CDC14C: variants seen among roughly 807,000 people sequenced by gnomAD.
CDC14C encodes dual specificity protein phosphatase CDC14C.
Under a neutral mutation model 26.9 loss-of-function variants are expected in CDC14C, and 19 were observed. That is an observed-to-expected ratio of 0.71 (90% confidence interval 0.49 to 1.04). The LOEUF (loss-of-function observed/expected upper bound fraction) is 1.04, where lower values mean the gene tolerates loss of function less well. Ranked by LOEUF, CDC14C falls within the 50% of genes least tolerant of loss-of-function variation. CDC14C has a pLI of 0.00. For synonymous variants in CDC14C, 185 were observed against 180.1 expected, an observed-to-expected ratio of 1.03 and a Z score of -0.22; for missense variants, 423 against 520.0, an observed-to-expected ratio of 0.81 and a Z score of 1.81.
At position 48,924,716 on chromosome 7, in the gene CDC14C, A is replaced by C; in HGVS notation, c.44A>C (p.Gln15Pro). The C allele has an allele frequency of 7.6e-7, 1 of 1,317,952 alleles. No individual in the cohort carries two copies. The highest frequency in any genetic ancestry group is 1.1e-6 in the Non-Finnish European group (1 of 910,162). The allele number at this position is 1,317,952 out of a possible 1,614,324, so 81.6% of individuals were successfully genotyped here. ...CAGGACCCGCGCCGCCGGGACCCCC[A>C]GGACGACGTGTACGTGGACATCACC... The part of the protein sequence containing the change: ...TLQDPRRRDP[Q>P]DDVYVDITDR... Residue 15 changes from glutamine (Q) to proline (P), a missense_variant, in exon 1 of 1, where the codon CAG becomes CCG. Physicochemically the swap from Gln to Pro is moderately conservative, Grantham distance 76. Transcript: ENST00000650262.
chr7:48,924,769 A>G lies in CDC14C; in HGVS notation c.97A>G (p.Ser33Gly). The change falls in exon 1 of 1, where the codon AGC (serine) becomes GGC (glycine). Residue 33 changes from serine to glycine, a missense_variant. Around this residue, in one of 3 missense-constraint regions of CDC14C, gnomAD observed 310 missense variants for 356.8 expected, o/e 0.87. Coordinates refer to ENST00000650262, the MANE Select transcript of CDC14C (RefSeq NM_152627.3). The part of the protein sequence containing the change: ...TDRLRFAILY[S>G]RPKSASNVHY... ...TCGCCTTCGTTTTGCCATTCTCTAC[A>G]GCAGACCAAAGAGTGCATCAAATGT... 9.9e-6 allele frequency: 14 copies of G among 1,421,312 alleles called. No homozygotes were observed. The highest frequency in any genetic ancestry group is 1.4e-5 in the Non-Finnish European group (14 of 1,003,948). The allele number at this position is 1,421,312 out of a possible 1,614,324, so 88.0% of individuals were successfully genotyped here. A position where few individuals can be genotyped will look rare whatever the true frequency, so the allele number is the denominator to read the frequency against.
chr7:48,925,814 A>C lies in CDC14C; in HGVS notation c.1142A>C (p.Gln381Pro), dbSNP rs571808684. ...SINGVENQDQ[Q>P]EPKPYSDDDE... The stretch of plus-strand genomic sequence containing the variant: ...AATGGGGTCGAGAATCAAGACCAGC[A>C]AGAACCCAAACCTTACAGTGATGAC... Residue 381 changes from glutamine (Q) to proline (P), a missense_variant, in exon 1 of 1, where the codon CAA becomes CCA. This residue lies in a region of CDC14C where 91 missense variants were observed against 94.2 expected (regional missense o/e 0.97). Coordinates refer to ENST00000650262, the MANE Select transcript of CDC14C (RefSeq NM_152627.3). The C allele has an allele frequency of 1.6e-4, 132 of 836,958 alleles. No individual in the cohort carries two copies. The African/African-American group carries it at 1.7e-3, about 11-fold the overall frequency. 51.8% of individuals were successfully genotyped at this position (836,958 alleles called of 1,614,324 possible). A position where few individuals can be genotyped will look rare whatever the true frequency, so the allele number is the denominator to read the frequency against.
Position 48,926,921 on chromosome 7 carries a change from G to T in CDC14C, c.*905G>T, listed in dbSNP as rs1265373684. On this transcript the variant is annotated 3_prime_UTR_variant, in exon 1 of 1. Transcript: ENST00000650262. ...CCCTCTGGTACTCAGGGAGCTGGCT[G>T]GTCTGTGGTGCATGTGTGTCCTTGT... 2.0e-5 allele frequency among the ~76,000 whole-genome samples: 3 copies of T among 152,172 alleles called. No individual in the cohort carries two copies. Among genetic ancestry groups the T allele is most frequent in the Non-Finnish European group, 2.9e-5 (2 of 68,036 alleles).
Position 48,925,698 on chromosome 7 carries a change from C to T in CDC14C, c.1026C>T (p.Asp342=), listed in dbSNP as rs779247128. ...AAACAAGCCTCTGGCTGGAAGGGGA[C>T]TATTTTCGTCAGAGGTTAAAGGGGC... ...MKQTSLWLEG[D]YFRQRLKGQE... The change falls in exon 1 of 1, where the codon GAC becomes GAT. Residue 342 remains aspartate, a synonymous_variant. Coordinates refer to ENST00000650262, the MANE Select transcript of CDC14C (RefSeq NM_152627.3). The T allele has an allele frequency of 7.9e-7, 1 of 1,271,350 alleles. No individual in the cohort carries two copies. Among genetic ancestry groups the T allele is most frequent in the Non-Finnish European group, 1.2e-6 (1 of 867,064 alleles). 78.8% of individuals were successfully genotyped at this position (1,271,350 alleles called of 1,614,324 possible).
In CDC14C at chr7:48,925,940, T is replaced by G. The variant is rs1199584950; in HGVS notation, c.1268T>G (p.Val423Gly). The change falls in exon 1 of 1, where the codon GTG (valine) becomes GGG (glycine). Residue 423 changes from valine to glycine, a missense_variant. Physicochemically the swap from Val to Gly is moderately radical, Grantham distance 109. This residue lies in a region of CDC14C where 91 missense variants were observed against 94.2 expected (regional missense o/e 0.97). Transcript: ENST00000650262. ...NDILLPSPLA[V>G]LTFTLCSVVI... Reference sequence around the variant, plus strand: ...ATTCTTCTCCCATCTCCCCTGGCTGTGCTGACCTTTACACTGTGTAGTGTT... The same window carrying G: ...ATTCTTCTCCCATCTCCCCTGGCTGGGCTGACCTTTACACTGTGTAGTGTT... 1 of 760,814 alleles carries G rather than the reference T, an allele frequency of 1.3e-6. No individual in the cohort carries two copies. The highest frequency in any genetic ancestry group is 1.7e-5 in the African/African-American group (1 of 58,568). 47.1% of individuals were successfully genotyped at this position (760,814 alleles called of 1,614,324 possible).
At position 48,924,636 on chromosome 7, in the gene CDC14C, G is replaced by A. The variant is rs535567334; in HGVS notation, c.-37G>A. 6.7e-6 allele frequency: 7 copies of A among 1,043,642 alleles called. No homozygotes were observed. The highest frequency in any genetic ancestry group is 4.7e-5 in the African/African-American group (3 of 63,274). 64.6% of individuals were successfully genotyped at this position (1,043,642 alleles called of 1,614,324 possible). A position where few individuals can be genotyped will look rare whatever the true frequency, so the allele number is the denominator to read the frequency against. Reference sequence around the variant, plus strand: ...GCTGGGCCGCCGCGCCCCACTGCTCGCCGCGCTGCTCTTTGACCTCGCAGG... The same window carrying A: ...GCTGGGCCGCCGCGCCCCACTGCTCACCGCGCTGCTCTTTGACCTCGCAGG... On this transcript the variant is annotated 5_prime_UTR_variant, in exon 1 of 1. Transcript: ENST00000650262.
rs1277913722 is a variant in CDC14C at position 48,925,360 on chromosome 7, A to G, written c.688A>G (p.Ile230Val). 3 of 1,609,206 alleles carry G rather than the reference A, an allele frequency of 1.9e-6. No individual in the cohort carries two copies. The highest frequency in any genetic ancestry group is 2.6e-6 in the Non-Finnish European group (3 of 1,175,606). ...TTTTAAGAATCACAATGTTACTACC[A>G]TTATTCGTCTGAATAAAAGGATGTA... ...QYFKNHNVTTIIRLNKRMYDA... is the reference protein window; with the variant it reads ...QYFKNHNVTTVIRLNKRMYDA... Residue 230 changes from isoleucine to valine, a missense_variant, in exon 1 of 1, where the codon ATT (isoleucine) becomes GTT (valine). Ile to Val is a conservative substitution (Grantham distance 29). Transcript: ENST00000650262.
rs761288176 is a variant in CDC14C at position 48,925,657 on chromosome 7, T to A, written c.985T>A (p.Phe329Ile). ...PGLVIGPQQQ[F>I]LVMKQTSLWL... is the part of the protein sequence containing the mutation. ...CTTGGTGATCGGGCCTCAGCAGCAG[T>A]TTTTGGTGATGAAGCAAACAAGCCT... The change falls in exon 1 of 1, where the codon TTT becomes ATT. Residue 329 changes from phenylalanine to isoleucine, a missense_variant. By Grantham distance (21) the Phe-to-Ile change is conservative (BLOSUM62 0). Transcript: ENST00000650262. 6.5e-7 allele frequency: 1 copy of A among 1,545,418 alleles called. No individual in the cohort carries two copies. Among genetic ancestry groups the A allele is most frequent in the African/African-American group, 1.4e-5 (1 of 73,726 alleles).
Position 48,925,832 on chromosome 7 carries a change from G to T in CDC14C, c.1160G>T (p.Ser387Ile), listed in dbSNP as rs1200416083. 7 of 796,536 alleles carry T rather than the reference G, an allele frequency of 8.8e-6. No individual in the cohort carries two copies. The African/African-American group carries it at 1.0e-4, about 11-fold the overall frequency. 49.3% of individuals were successfully genotyped at this position (796,536 alleles called of 1,614,324 possible). The change falls in exon 1 of 1, where the codon AGT becomes ATT. Residue 387 changes from serine (S) to isoleucine (I), a missense_variant. Ser to Ile is a moderately radical substitution (Grantham distance 142). Transcript: ENST00000650262. ...GACCAGCAAGAACCCAAACCTTACAGTGATGACGACGAAATCAATGGAGTG... is the reference window on the plus strand; with the variant it reads ...GACCAGCAAGAACCCAAACCTTACATTGATGACGACGAAATCAATGGAGTG... ...NQDQQEPKPY[S>I]DDDEINGVTQ...
At position 48,925,147 on chromosome 7, in the gene CDC14C, G is replaced by A. The variant is rs759190131; in HGVS notation, c.475G>A (p.Ala159Thr). 1.3e-5 allele frequency: 20 copies of A among 1,532,306 alleles called. No individual in the cohort carries two copies. The highest frequency in any genetic ancestry group is 5.6e-5 in the South Asian group (5 of 89,270). The allele number at this position is 1,532,306 out of a possible 1,614,324, so 94.9% of individuals were successfully genotyped here. The change falls in exon 1 of 1, where the codon GCA (alanine) becomes ACA (threonine). Residue 159 changes from alanine to threonine, a missense_variant. Transcript: ENST00000650262. ...LLDCFHAVKK[A>T]MQYGFLNFNS... ...TGACTGTTTTCATGCAGTAAAGAAGGCAATGCAGTATGGCTTCCTTAATTT... is the reference window on the plus strand; with the variant it reads ...TGACTGTTTTCATGCAGTAAAGAAGACAATGCAGTATGGCTTCCTTAATTT...
rs1798897104 is a variant in CDC14C at position 48,926,681 on chromosome 7, C to T, written c.*665C>T. On this transcript the variant is annotated 3_prime_UTR_variant, in exon 1 of 1. Coordinates refer to ENST00000650262, the MANE Select transcript of CDC14C (RefSeq NM_152627.3). ...GGGCCAGGTGTTCCTTGCCCTCATT[C>T]CGGTAAACCCACACCCTTCCAGCGT... Among the ~76,000 whole-genome samples the T allele has an allele frequency of 6.6e-6, 1 of 151,910 alleles. No individual in the cohort carries two copies.
rs185996044 is a variant in CDC14C at position 48,927,181 on chromosome 7, C to T, written c.*1165C>T. 5.3e-3 allele frequency among the ~76,000 whole-genome samples: 811 copies of T among 151,912 alleles called. 6 individuals are homozygous for T. The highest frequency in any genetic ancestry group is 0.018 in the African/African-American group (762 of 41,406). On this transcript the variant is annotated 3_prime_UTR_variant, in exon 1 of 1. Transcript: ENST00000650262. ...TCTGATAAGTACCCAAGCTGCTTGT[C>T]TTCTACCAAAGAGTGCTTTATTAAC...
rs1271496217 is a variant in CDC14C at position 48,926,137 on chromosome 7, A to C, written c.*121A>C. 3.2e-6 allele frequency: 2 copies of C among 633,832 alleles called. No individual in the cohort carries two copies. The highest frequency in any genetic ancestry group is 1.8e-5 in the African/African-American group (1 of 54,064). The allele number at this position is 633,832 out of a possible 1,614,324, so 39.3% of individuals were successfully genotyped here. ...AACCTGTGACCAGAACTGAAGGAAG[A>C]CTCTAGGAACTGAAAACTGCAACAG... On this transcript the variant is annotated 3_prime_UTR_variant, in exon 1 of 1. Coordinates refer to ENST00000650262, the MANE Select transcript of CDC14C (RefSeq NM_152627.3).
rs1798873289 is a variant in CDC14C at position 48,925,622 on chromosome 7, G to C, written c.950G>C (p.Cys317Ser). The C allele has an allele frequency of 1.9e-6, 3 of 1,555,756 alleles. No homozygotes were observed. Among genetic ancestry groups the C allele is most frequent in the Non-Finnish European group, 2.7e-6 (3 of 1,126,672 alleles). The change falls in exon 1 of 1, where the codon TGC (cysteine) becomes TCC (serine). Residue 317 changes from cysteine to serine, a missense_variant. Coordinates refer to ENST00000650262, the MANE Select transcript of CDC14C (RefSeq NM_152627.3). ...AAETIAWVRI[C>S]RPGLVIGPQQ... Reference sequence around the variant, plus strand: ...GAGACCATTGCGTGGGTAAGGATCTGCAGACCTGGCTTGGTGATCGGGCCT... The same window carrying C: ...GAGACCATTGCGTGGGTAAGGATCTCCAGACCTGGCTTGGTGATCGGGCCT...
rs533346310 is a variant in CDC14C, at chr7:48,924,841, G to A, written c.169G>A (p.Glu57Lys). The stretch of plus-strand genomic sequence containing the variant: ...TGAACTCGAATATGAGAACTTCTCC[G>A]AAGACTTTGGACCACTCAATCTGGC... Reference protein sequence around the residue: ...DNELEYENFSEDFGPLNLAMV... With the variant: ...DNELEYENFSKDFGPLNLAMV... The change falls in exon 1 of 1, where the codon GAA (glutamate) becomes AAA (lysine). Residue 57 changes from glutamate to lysine, a missense_variant. Glu to Lys is a moderately conservative substitution (Grantham distance 56, BLOSUM62 1). Around this residue, in one of 3 missense-constraint regions of CDC14C, gnomAD observed 310 missense variants for 356.8 expected, o/e 0.87. Coordinates refer to ENST00000650262, the MANE Select transcript of CDC14C (RefSeq NM_152627.3). 2.7e-4 allele frequency: 364 copies of A among 1,373,536 alleles called. No individual in the cohort carries two copies. Among genetic ancestry groups the A allele is most frequent in the Non-Finnish European group, 3.6e-4 (345 of 960,550 alleles). 85.1% of individuals were successfully genotyped at this position (1,373,536 alleles called of 1,614,324 possible).
chr7:48,925,766 C>G lies in CDC14C; in HGVS notation c.1094C>G (p.Ser365Cys). 1 of 992,726 alleles carries G rather than the reference C, an allele frequency of 1.0e-6. No homozygotes were observed. Among genetic ancestry groups the G allele is most frequent in the Non-Finnish European group, 1.6e-6 (1 of 612,080 alleles). 61.5% of individuals were successfully genotyped at this position (992,726 alleles called of 1,614,324 possible). The part of the protein sequence containing the change: ...QHRAAFSKLL[S>C]GVDDISINGV... ...AGAGCAGCCTTCTCCAAACTTCTCT[C>G]TGGTGTTGATGACATTTCCATAAAT... Residue 365 changes from serine (S) to cysteine (C), a missense_variant, in exon 1 of 1, where the codon TCT becomes TGT. Physicochemically the swap from Ser to Cys is moderately radical, Grantham distance 112 (BLOSUM62 -1). Around this residue, in one of 3 missense-constraint regions of CDC14C, gnomAD observed 91 missense variants for 94.2 expected, o/e 0.97. Transcript: ENST00000650262.
At position 48,926,360 on chromosome 7, in the gene CDC14C, C is replaced by G. The variant is rs1798888173; in HGVS notation, c.*344C>G. On this transcript the variant is annotated 3_prime_UTR_variant, in exon 1 of 1. Coordinates refer to ENST00000650262, the MANE Select transcript of CDC14C (RefSeq NM_152627.3). Reference sequence around the variant, plus strand: ...GCTAGAGGAATTAAAGACACACACACAGAAATACAGAGGTGTAAAGTGGGA... The same window carrying G: ...GCTAGAGGAATTAAAGACACACACAGAGAAATACAGAGGTGTAAAGTGGGA... Among the ~76,000 whole-genome samples, 1 of 150,378 alleles carries G rather than the reference C, an allele frequency of 6.6e-6. No homozygotes were observed. The highest frequency in any genetic ancestry group is 2.5e-5 in the African/African-American group (1 of 40,786).
rs1416068745 is a variant in CDC14C at position 48,925,750 on chromosome 7, T to G, written c.1078T>G (p.Phe360Val). The G allele has an allele frequency of 3.9e-6, 4 of 1,023,282 alleles. No homozygotes were observed. In the Admixed American group the frequency reaches 6.7e-5, roughly 17 times the overall value. 63.4% of individuals were successfully genotyped at this position (1,023,282 alleles called of 1,614,324 possible). A position where few individuals can be genotyped will look rare whatever the true frequency, so the allele number is the denominator to read the frequency against. The change falls in exon 1 of 1, where the codon TTC becomes GTC. Residue 360 changes from phenylalanine to valine, a missense_variant. Physicochemically the swap from Phe to Val is conservative, Grantham distance 50. Transcript: ENST00000650262. ...GQENGQHRAA[F>V]SKLLSGVDDI... is the part of the protein sequence containing the mutation. ...GGAGAATGGACAACACAGAGCAGCC[T>G]TCTCCAAACTTCTCTCTGGTGTTGA...
At position 48,924,640 on chromosome 7, in the gene CDC14C, C is replaced by G; in HGVS notation, c.-33C>G. On this transcript the variant is annotated 5_prime_UTR_variant, in exon 1 of 1. Transcript: ENST00000650262. ...GGCCGCCGCGCCCCACTGCTCGCCG[C>G]GCTGCTCTTTGACCTCGCAGGGTGT... 9.5e-7 allele frequency: 1 copy of G among 1,057,102 alleles called. No homozygotes were observed. The highest frequency in any genetic ancestry group is 1.5e-6 in the Non-Finnish European group (1 of 679,198). The allele number at this position is 1,057,102 out of a possible 1,614,324, so 65.5% of individuals were successfully genotyped here.
Sources: gnomAD v4.1 joint callset for allele counts (sites outside exome capture counted in the v4.1 genomes callset) on GRCh38, gnomAD v4.1.1 for gene constraint, gnomAD v4.1.1 regional missense constraint, MANE v1.5 for transcripts, NCBI Gene and HGNC (gene_info 2026-07-23, HGNC 2026-07-21) for gene names.